Variants in FAM20A observed in about 807,000 individuals in gnomAD.
The protein encoded by FAM20A is pseudokinase FAM20A.
FAM20A carries 42 observed loss-of-function variants against 52.0 expected under a neutral mutation model. The observed-to-expected ratio is 0.81, with a 90% CI of 0.63 to 1.04. The LOEUF (loss-of-function observed/expected upper bound fraction) is 1.04, where lower values mean the gene tolerates loss of function less well. FAM20A is among the 50% of genes least tolerant of loss of function. The pLI is 0.00. For missense variants in FAM20A, 742 were observed against 712.7 expected (o/e 1.04, Z -0.47); for synonymous variants, 304 against 298.9 (o/e 1.02, Z -0.18).
At chr17:68,547,686 T>C (rs745906738) in intron 4 of FAM20A, among the ~76,000 whole-genome samples, 2 of 152,234 alleles carry the variant, frequency 1.3e-5, no homozygotes, top group African/African-American at 2.4e-5. Flanking sequence ...CTGCTCTGGA[T>C]TAAGCTTTGG....
chr17:68,593,109 A>G (rs56378596), intron 1 of FAM20A, among the ~76,000 whole-genome samples: 25,670 of 152,276 alleles, frequency 0.17, 2,445 homozygotes, highest in East Asian at 0.28. Context: ...CATTAAGTGC[A>G]TATGTGTGTG....
Position 68,540,883 on chromosome 17 carries a change from A to C in FAM20A, c.1185T>G (p.Asn395Lys). 1 of 1,605,086 alleles carries C rather than the reference A, an allele frequency of 6.2e-7. No homozygotes were observed. The highest frequency in any genetic ancestry group is 8.5e-7 in the Non-Finnish European group (1 of 1,175,894). ...AGTCGAAGATGGCCATGTCGATGAC[A>C]TTGAGGAGCCGCTGGCTGTTGTTGT... ...YPYNNSQRLL[N>K]VIDMAIFDFL... Residue 395 changes from asparagine to lysine, a missense_variant, in exon 8 of 11, where the codon AAT (asparagine) becomes AAG (lysine). Coordinates refer to ENST00000592554, the MANE Select transcript of FAM20A (RefSeq NM_017565.4).
chr17:68,598,979 T>G (rs2088535097), intron 1 of FAM20A, among the ~76,000 whole-genome samples: 1 of 152,244 alleles, frequency 6.6e-6, no homozygotes, highest in East Asian at 1.9e-4. Flanking sequence ...CTGCCTTTTA[T>G]TACTGCACAC....
intron 1 of FAM20A, among the ~76,000 whole-genome samples, chr17:68,581,386 C>CTTTCTTTT (rs2087961106): frequency 6.9e-6 from 1 of 144,282 alleles, no homozygotes; most frequent in African/African-American, 2.7e-5. Flanking sequence ...TTCTTTCTTT[C>CTTTCTTTT]TTTCTTTCTT....
chr17:68,544,951 T>C (rs1246812760), intron 4 of FAM20A, among the ~76,000 whole-genome samples: 1 of 152,374 alleles, frequency 6.6e-6, no homozygotes, highest in Non-Finnish European at 1.5e-5. Flanking sequence ...TTCTCATACT[T>C]TGAGAAGCAC....
intron 2 of FAM20A, 95 bp downstream of exon 2, chr17:68,555,464 C>G: frequency 7.3e-7 from 1 of 1,374,130 alleles, no homozygotes; most frequent in South Asian, 1.2e-5. Flanking sequence ...CATGTCAAGC[C>G]TCTAATGTTC....
intron 1 of FAM20A, among the ~76,000 whole-genome samples, chr17:68,569,382 G>T (rs1473404862): frequency 6.6e-6 from 1 of 151,966 alleles, no homozygotes; most frequent in Non-Finnish European, 1.5e-5. Context: ...AGTTCCACTG[G>T]GACTCTCTTT....
intron 3 of FAM20A, among the ~76,000 whole-genome samples, chr17:68,552,691 T>TTTTTTTTTTTTG (rs2086897023): frequency 8.0e-6 from 1 of 125,590 alleles, no homozygotes; most frequent in African/African-American, 3.0e-5. Flanking sequence ...TTTTTTTTTT[T>TTTTTTTTTTTTG]TGAGACGGAG....
intron 1 of FAM20A, among the ~76,000 whole-genome samples, chr17:68,595,257 A>G (rs1055056982): frequency 6.6e-6 from 1 of 152,228 alleles, no homozygotes; most frequent in African/African-American, 2.4e-5. Context: ...ATTTTGATCT[A>G]TTTGGAAGCA....
intron 6 of FAM20A, 86 bp from the exon 7 acceptor site, chr17:68,542,251 G>A (rs974479571): frequency 1.9e-5 from 28 of 1,438,700 alleles, no homozygotes; most frequent in Non-Finnish European, 2.6e-5. Context: ...CACTGGGAGG[G>A]AAGGGAAACC....
intron 1 of FAM20A, among the ~76,000 whole-genome samples, chr17:68,582,768 G>A (rs2088045639): frequency 6.8e-6 from 1 of 147,078 alleles, no homozygotes; most frequent in African/African-American, 2.5e-5. Flanking sequence ...TTATGTGGAA[G>A]AGCCAGGATT....
Position 68,542,131 on chromosome 17 carries a change from G to C in FAM20A, c.963C>G (p.Tyr321Ter). The change falls in exon 7 of 11, where the codon TAC (tyrosine) becomes TAG (stop). Residue 321 changes from tyrosine (Y) to a stop codon, truncating the protein, a stop_gained. Coordinates refer to ENST00000592554, the MANE Select transcript of FAM20A (RefSeq NM_017565.4). LOFTEE classifies it high-confidence loss of function. ...SNVCFFAKCP[Y>*]MCKTEYAVCG... ...AGACAGCATACTCCGTCTTGCACAT[G>C]TATGGACACTTGGCGAAGAAGCACA... 6.2e-7 allele frequency: 1 copy of C among 1,614,132 alleles called. No individual in the cohort carries two copies. The highest frequency in any genetic ancestry group is 1.3e-5 in the African/African-American group (1 of 75,060).
At chr17:68,572,390 A>C (rs2087589032) in intron 1 of FAM20A, among the ~76,000 whole-genome samples, 1 of 152,166 alleles carries the variant, frequency 6.6e-6, no homozygotes, top group Admixed American at 6.6e-5. Flanking sequence ...TTTGTTGAGC[A>C]CTTTCAGAGA....
At chr17:68,569,863 A>T (rs1396810711) in intron 1 of FAM20A, among the ~76,000 whole-genome samples, 2 of 152,056 alleles carry the variant, frequency 1.3e-5, no homozygotes, top group Non-Finnish European at 2.9e-5. Flanking sequence ...TCAGGCCTTC[A>T]TTCCTTGGAA....
rs769508506 is a variant in FAM20A at position 68,535,295 on chromosome 17, TA to T, written c.*2181del. 4 of 454,048 alleles carry T rather than the reference TA, an allele frequency of 8.8e-6. No individual in the cohort carries two copies. Among genetic ancestry groups the T allele is most frequent in the African/African-American group, 4.0e-5 (2 of 50,018 alleles). 28.1% of individuals were successfully genotyped at this position (454,048 alleles called of 1,614,324 possible). A position where few individuals can be genotyped will look rare whatever the true frequency, so the allele number is the denominator to read the frequency against. ...AGATAAGTGAATAATAAGGTAGGTG[TA>T]CCACATATCATGGTGAAATTCAAGC... is the stretch of plus-strand genomic sequence containing the variant. On this transcript the variant is annotated 3_prime_UTR_variant, in exon 11 of 11. Transcript: ENST00000592554.
At chr17:68,593,868 A>C (rs1480175907) in intron 1 of FAM20A, among the ~76,000 whole-genome samples, 1 of 152,252 alleles carries the variant, frequency 6.6e-6, no homozygotes, top group Non-Finnish European at 1.5e-5. Flanking sequence ...TATATGGTAC[A>C]TATGGAGAGG....
rs1555823652 is a variant in FAM20A at position 68,551,724 on chromosome 17, T to TATC, written c.719+146_719+148dup. On this transcript the variant is annotated intron_variant, in intron 4 of 10. Coordinates refer to ENST00000592554, the MANE Select transcript of FAM20A (RefSeq NM_017565.4). ...TTATTATTATTATTATTATTATTAT[T>TATC]ATCACCCCAAACAGTTCTGTGCTTG... 389 of 293,748 alleles carry TATC rather than the reference T, an allele frequency of 1.3e-3. 10 individuals carry two copies. Among genetic ancestry groups the TATC allele is most frequent in the Middle Eastern group, 5.4e-3 (6 of 1,102 alleles). The allele number at this position is 293,748 out of a possible 1,614,324, so 18.2% of individuals were successfully genotyped here.
At chr17:68,556,126 C>T (rs1481467257) in intron 1 of FAM20A, among the ~76,000 whole-genome samples, 1 of 152,200 alleles carries the variant, frequency 6.6e-6, no homozygotes, top group Middle Eastern at 3.2e-3. Context: ...CTCATTAAAA[C>T]TCCCTATCTT....
Position 68,555,591 on chromosome 17 carries a change from T to G in FAM20A, c.557A>C (p.Gln186Pro). 6.2e-7 allele frequency: 1 copy of G among 1,613,238 alleles called. No homozygotes were observed. The highest frequency in any genetic ancestry group is 2.2e-5 in the East Asian group (1 of 44,882). Reference sequence around the variant, plus strand: ...GATGGTGGGAAAGTGCCTCATGTCTTGCAGAAGTTTGCTGACAACAGGGCT... The same window carrying G: ...GATGGTGGGAAAGTGCCTCATGTCTGGCAGAAGTTTGCTGACAACAGGGCT... ...RSSPVVSKLL[Q>P]DMRHFPTISA... Residue 186 changes from glutamine (Q) to proline (P), a missense_variant, in exon 2 of 11, where the codon CAA becomes CCA. Transcript: ENST00000592554.
Sources: allele counts gnomAD v4.1 joint callset (sites outside exome capture counted in the v4.1 genomes callset), GRCh38; gene constraint gnomAD v4.1.1; transcripts MANE v1.5; gene names NCBI Gene and HGNC (gene_info 2026-07-23, HGNC 2026-07-21).